Variants in RBM20 observed in about 807,000 individuals in gnomAD.
The protein encoded by RBM20 is RNA binding motif protein 20.
Under a neutral mutation model 110.1 loss-of-function variants are expected in RBM20, and 51 were observed. That is an observed-to-expected ratio of 0.46 (90% CI 0.37 to 0.59). The LOEUF is 0.59. RBM20 is among the 20% of genes least tolerant of loss of function. The pLI is 0.00. For missense variants in RBM20, 1,512 were observed against 1,574.9 expected (o/e 0.96, Z 0.68); for synonymous variants, 589 against 618.2 (o/e 0.95, Z 0.70).
At chr10:110,826,479 A>G (rs1045404926) in intron 12 of RBM20, among the ~76,000 whole-genome samples, 1 of 152,096 alleles carries the variant, frequency 6.6e-6, no homozygotes, top group South Asian at 2.1e-4. Context: ...AGAGTTTTAT[A>G]TAAAGGGAAT....
At chr10:110,719,061 A>G (rs1351465888) in intron 1 of RBM20, among the ~76,000 whole-genome samples, 1 of 152,216 alleles carries the variant, frequency 6.6e-6, no homozygotes, top group African/African-American at 2.4e-5. Flanking sequence ...TCCTACATAC[A>G]TTTGGAGACA....
At chr10:110,730,333 T>C (rs761813361) in intron 1 of RBM20, among the ~76,000 whole-genome samples, 2 of 152,264 alleles carry the variant, frequency 1.3e-5, no homozygotes, top group East Asian at 1.9e-4. Flanking sequence ...TTTAAGAACA[T>C]GCAAATTGAA....
intron 5 of RBM20, among the ~76,000 whole-genome samples, chr10:110,792,691 G>A (rs1454866083): frequency 6.6e-6 from 1 of 152,168 alleles, no homozygotes; most frequent in Non-Finnish European, 1.5e-5. Context: ...CCAGGTGTCT[G>A]TAGTTCATTT....
At chr10:110,791,543 G>A (rs965026414) in intron 5 of RBM20, among the ~76,000 whole-genome samples, 8 of 152,110 alleles carry the variant, frequency 5.3e-5, no homozygotes, top group South Asian at 4.1e-4. Context: ...CTGCACCAAG[G>A]GGCAATGAAA....
At chr10:110,831,687 A>AAAAT (rs1431606606) in intron 13 of RBM20, among the ~76,000 whole-genome samples, 1 of 149,298 alleles carries the variant, frequency 6.7e-6, no homozygotes, top group Admixed American at 6.7e-5. Context: ...AAAAAAAAAA[A>AAAAT]AAAACACTGC....
At position 110,836,154 on chromosome 10, in the gene RBM20, C is replaced by T. The variant is rs1241601429; in HGVS notation, c.*176C>T. The T allele has an allele frequency of 4.3e-6, 2 of 469,484 alleles. No homozygotes were observed. The highest frequency in any genetic ancestry group is 3.9e-5 in the Admixed American group (1 of 25,942). 29.1% of individuals were successfully genotyped at this position (469,484 alleles called of 1,614,324 possible). On this transcript the variant is annotated 3_prime_UTR_variant, in exon 14 of 14. Transcript: ENST00000369519. ...CAGTGAAATGCCCCTGATATGTCTCCAGGAGCAAGTCACCCAGGTGTGTCC... is the reference window on the plus strand; with the variant it reads ...CAGTGAAATGCCCCTGATATGTCTCTAGGAGCAAGTCACCCAGGTGTGTCC...
intron 1 of RBM20, among the ~76,000 whole-genome samples, chr10:110,726,223 G>A (rs958450541): frequency 6.6e-6 from 1 of 152,180 alleles, no homozygotes; most frequent in African/African-American, 2.4e-5. Flanking sequence ...TTGGGTTTCA[G>A]GGCTGCTGTG....
intron 1 of RBM20, among the ~76,000 whole-genome samples, chr10:110,709,454 G>A (rs1033429708): frequency 6.6e-6 from 1 of 152,124 alleles, no homozygotes; most frequent in African/African-American, 2.4e-5. Flanking sequence ...TGTCTGCCCT[G>A]ACCCTGGGAG....
chr10:110,724,287 A>G (rs1009602177), intron 1 of RBM20, among the ~76,000 whole-genome samples: 1 of 152,244 alleles, frequency 6.6e-6, no homozygotes, highest in Non-Finnish European at 1.5e-5. Context: ...AGAATACACC[A>G]CACCAGACTA....
intron 12 of RBM20, among the ~76,000 whole-genome samples, chr10:110,829,876 C>A (rs1483384577): frequency 6.6e-6 from 1 of 152,184 alleles, no homozygotes; most frequent in African/African-American, 2.4e-5. Context: ...GATGGCCAGA[C>A]CTGAAACCAT....
intron 1 of RBM20, among the ~76,000 whole-genome samples, chr10:110,713,438 A>G (rs528804578): frequency 6.6e-6 from 1 of 152,280 alleles, no homozygotes; most frequent in East Asian, 1.9e-4. Flanking sequence ...TAGGTGCAAT[A>G]CGATTATAAC....
intron 1 of RBM20, among the ~76,000 whole-genome samples, chr10:110,759,636 G>C (rs1011448195): frequency 6.6e-6 from 1 of 152,148 alleles, no homozygotes; most frequent in East Asian, 1.9e-4. Flanking sequence ...GGCAGGGACC[G>C]GCTCTGTCCA....
intron 1 of RBM20, among the ~76,000 whole-genome samples, chr10:110,702,808 C>G (rs555754869): frequency 6.6e-6 from 1 of 152,314 alleles, no homozygotes; most frequent in African/African-American, 2.4e-5. Flanking sequence ...TTTAACCACT[C>G]TGCACCTCAG....
At chr10:110,831,336 C>A (rs753776890) in intron 13 of RBM20, 154 bp downstream of exon 13, 12 of 689,198 alleles carry the variant, frequency 1.7e-5, no homozygotes, top group Non-Finnish European at 2.8e-5. Flanking sequence ...ATTCCCCAAG[C>A]ACACCAGGCT....
intron 1 of RBM20, among the ~76,000 whole-genome samples, chr10:110,709,587 G>A (rs994242153): frequency 3.4e-5 from 5 of 147,864 alleles, no homozygotes; most frequent in Admixed American, 2.7e-4. Flanking sequence ...TTTTAATTGG[G>A]ATGGGATCTT....
rs558113443 is a variant in RBM20, at chr10:110,825,019, A to G, written c.3451+1405A>G. On this transcript the variant is annotated intron_variant, in intron 12 of 13. Coordinates refer to ENST00000369519, the MANE Select transcript of RBM20 (RefSeq NM_001134363.3). ...TCTTTCCTCCAGGTGTACCATTTTT[A>G]TAGTCAGATCTGGAGAGCAAACTTC... is the stretch of plus-strand genomic sequence containing the variant. 7.9e-3 allele frequency among the ~76,000 whole-genome samples: 653 copies of G among 82,750 alleles called. 4 individuals are homozygous for G. The highest frequency in any genetic ancestry group is 0.02 in the African/African-American group (618 of 31,340). The allele number at this position is 82,750 out of a possible 152,430, so 54.3% of individuals were successfully genotyped here.
chr10:110,786,895 G>A (rs1017289369), intron 5 of RBM20, among the ~76,000 whole-genome samples: 1 of 152,254 alleles, frequency 6.6e-6, no homozygotes, highest in African/African-American at 2.4e-5. Context: ...GTACGGGGAA[G>A]AGATGGCATT....
chr10:110,821,923 G>A lies in RBM20; in HGVS notation c.3304G>A (p.Val1102Met). The stretch of plus-strand genomic sequence containing the variant: ...CCTCCAAAACCAAGCTTGCCAAGAA[G>A]TGTTGACCCCGGGTAACTATCTCCC... ...TDLQNQACQEVLTPENSRYVE... is the reference protein window; with the variant it reads ...TDLQNQACQEMLTPENSRYVE... Residue 1102 changes from valine (V) to methionine (M), a missense_variant, in exon 11 of 14, where the codon GTG (valine) becomes ATG (methionine). Coordinates refer to ENST00000369519, the MANE Select transcript of RBM20 (RefSeq NM_001134363.3). 1 of 1,551,706 alleles carries A rather than the reference G, an allele frequency of 6.4e-7. No individual in the cohort carries two copies. The highest frequency in any genetic ancestry group is 8.7e-7 in the Non-Finnish European group (1 of 1,147,002).
chr10:110,766,903 C>G (rs1297791938), intron 1 of RBM20, among the ~76,000 whole-genome samples: 23 of 143,642 alleles, frequency 1.6e-4, no homozygotes, highest in Non-Finnish European at 2.6e-4. Context: ...TAGGGGCGGC[C>G]GGGCAGAGGC....
Sources: allele counts gnomAD v4.1 joint callset (sites outside exome capture counted in the v4.1 genomes callset), GRCh38; gene constraint gnomAD v4.1.1; transcripts MANE v1.5; gene names NCBI Gene and HGNC (gene_info 2026-07-23, HGNC 2026-07-21).